PALM2AKAP2: variants seen among roughly 807,000 people sequenced by gnomAD.
PALM2AKAP2 encodes the protein PALM2-AKAP2 fusion protein.
Under a neutral mutation model 71.5 loss-of-function variants are expected in PALM2AKAP2, and 37 were observed. The observed-to-expected ratio is 0.52, with a 90% CI of 0.40 to 0.68. The LOEUF (loss-of-function observed/expected upper bound fraction) is 0.68. Among genes scored for constraint, PALM2AKAP2 ranks in the 30% least tolerant of loss-of-function variants. PALM2AKAP2 has a pLI of 0.00. For synonymous variants in PALM2AKAP2, 468 were observed against 478.8 expected (o/e 0.98, Z 0.29); for missense variants, 1,224 against 1,191.8 (o/e 1.03, Z -0.40).
intron 1 of PALM2AKAP2, among the ~76,000 whole-genome samples, chr9:110,100,572 A>G (rs554340942): frequency 3.3e-5 from 5 of 152,268 alleles, no homozygotes; most frequent in East Asian, 1.9e-4. Context: ...GTCCTCTGCT[A>G]TGTCCCAGAT....
intron 6 of PALM2AKAP2, among the ~76,000 whole-genome samples, chr9:110,011,104 C>A (rs1181386233): frequency 1.5e-5 from 2 of 136,376 alleles, no homozygotes; most frequent in South Asian, 2.3e-4. Flanking sequence ...TCTATATATT[C>A]CATATATATT....
chr9:109,872,932 G>C (rs543837828), intron 2 of PALM2AKAP2, among the ~76,000 whole-genome samples: 1 of 152,306 alleles, frequency 6.6e-6, no homozygotes, highest in Non-Finnish European at 1.5e-5. Context: ...AGCTTGAATG[G>C]AAGTTAAAAC....
intron 1 of PALM2AKAP2, among the ~76,000 whole-genome samples, chr9:110,129,815 G>C: frequency 6.6e-6 from 1 of 152,168 alleles, no homozygotes; most frequent in East Asian, 1.9e-4. Context: ...CCCCAGGTCT[G>C]GGTGGTTCTT....
chr9:109,748,756 CT>C (rs1220595566), intron 1 of PALM2AKAP2, among the ~76,000 whole-genome samples: 1 of 152,042 alleles, frequency 6.6e-6, no homozygotes, highest in South Asian at 2.1e-4. Context: ...ACAACAGAAA[CT>C]TTTTTGCTCA....
At chr9:109,676,912 A>G (rs1008822276) in intron 1 of PALM2AKAP2, among the ~76,000 whole-genome samples, 2 of 152,220 alleles carry the variant, frequency 1.3e-5, no homozygotes, top group African/African-American at 2.4e-5. Flanking sequence ...GGAAGTGCTT[A>G]CTGTAATTGA....
intron 2 of PALM2AKAP2, among the ~76,000 whole-genome samples, chr9:110,155,173 A>G (rs1836416406): frequency 6.6e-6 from 1 of 152,208 alleles, no homozygotes; most frequent in Non-Finnish European, 1.5e-5. Context: ...GCAGTTGCCA[A>G]GTTAGAAGCC....
intron 1 of PALM2AKAP2, among the ~76,000 whole-genome samples, chr9:109,788,499 T>G (rs1289697513): frequency 1.3e-5 from 2 of 152,210 alleles, no homozygotes; most frequent in Admixed American, 1.3e-4. Context: ...ACTCCCAGAG[T>G]GTCTAATTCT....
At chr9:109,926,745 A>G (rs141412217) in intron 5 of PALM2AKAP2, among the ~76,000 whole-genome samples, 36 of 151,964 alleles carry the variant, frequency 2.4e-4, no homozygotes, top group African/African-American at 8.5e-4. Flanking sequence ...TCTCTCTGAT[A>G]CTTAGGGAAG....
intron 1 of PALM2AKAP2, among the ~76,000 whole-genome samples, chr9:109,816,386 G>T (rs894468449): frequency 1.6e-4 from 24 of 152,310 alleles, no homozygotes; most frequent in African/African-American, 4.8e-4. Context: ...ATGATGGACT[G>T]GGATAAGATA....
intron 1 of PALM2AKAP2, among the ~76,000 whole-genome samples, chr9:109,731,540 C>T (rs1178916628): frequency 6.6e-6 from 1 of 152,102 alleles, no homozygotes; most frequent in African/African-American, 2.4e-5. Context: ...TTAAAATATG[C>T]TTTTCTTTGT....
At chr9:109,662,817 A>G (rs1827419617) in intron 1 of PALM2AKAP2, among the ~76,000 whole-genome samples, 1 of 152,096 alleles carries the variant, frequency 6.6e-6, no homozygotes, top group Admixed American at 6.6e-5. Context: ...TTTGGTTGGT[A>G]GGCTATTAAT....
exon 4 of PALM2AKAP2, chr9:110,172,057 T>C (rs41278415): frequency 0.04 from 6,137 of 152,470 alleles, 248 homozygotes; most frequent in East Asian, 0.19. Flanking sequence ...CACACACACA[T>C]ATATATATAT....
chr9:109,894,235 G>C (rs1163586967), intron 3 of PALM2AKAP2, among the ~76,000 whole-genome samples: 1 of 152,100 alleles, frequency 6.6e-6, no homozygotes, highest in Non-Finnish European at 1.5e-5. Context: ...CTATTCGGAA[G>C]GCTGAGGCAG....
intron 1 of PALM2AKAP2, among the ~76,000 whole-genome samples, chr9:109,713,557 C>G (rs1027123570): frequency 8.6e-5 from 13 of 152,040 alleles, no homozygotes. Context: ...AAAGGCAAAT[C>G]AAGTACAACA....
chr9:109,663,769 C>T (rs1243853477), intron 1 of PALM2AKAP2, among the ~76,000 whole-genome samples: 1 of 152,132 alleles, frequency 6.6e-6, no homozygotes, highest in African/African-American at 2.4e-5. Flanking sequence ...ATTGATCTGT[C>T]TGATATTGAC....
chr9:109,848,453 T>G (rs904840074), intron 1 of PALM2AKAP2, among the ~76,000 whole-genome samples: 2 of 152,238 alleles, frequency 1.3e-5, no homozygotes, highest in African/African-American at 4.8e-5. Flanking sequence ...CTGTGACTTA[T>G]CTTTGTGCCC....
chr9:109,888,003 T>A (rs1052085036), intron 3 of PALM2AKAP2, among the ~76,000 whole-genome samples: 6 of 152,184 alleles, frequency 3.9e-5, no homozygotes, highest in African/African-American at 7.2e-5. Flanking sequence ...TTCAGCCTAT[T>A]GTGGGTGGTC....
intron 3 of PALM2AKAP2, among the ~76,000 whole-genome samples, chr9:109,884,431 C>T (rs1829921109): frequency 6.6e-6 from 1 of 152,096 alleles, no homozygotes. Context: ...CACTGCACTC[C>T]AGCCTGGCAA....
chr9:109,734,676 A>G (rs940984037), intron 1 of PALM2AKAP2, among the ~76,000 whole-genome samples: 1 of 152,200 alleles, frequency 6.6e-6, no homozygotes, highest in Non-Finnish European at 1.5e-5. Context: ...TAATTTCATT[A>G]AACATGACTT....
Sources: gnomAD v4.1 joint callset for allele counts (sites outside exome capture counted in the v4.1 genomes callset) on GRCh38, gnomAD v4.1.1 for gene constraint, MANE v1.5 for transcripts, NCBI Gene and HGNC (gene_info 2026-07-23, HGNC 2026-07-21) for gene names.